Variants in VWC2 observed in about 807,000 individuals in gnomAD.
VWC2 encodes von Willebrand factor C domain containing 2, also known as brorin.
Under a neutral mutation model 29.8 loss-of-function variants are expected in VWC2, and 14 were observed. That is an observed-to-expected ratio of 0.47 (90% CI 0.31 to 0.74). The LOEUF (loss-of-function observed/expected upper bound fraction) is 0.74. VWC2 is among the 30% of genes least tolerant of loss of function. The pLI is 0.05. For missense variants in VWC2, 457 were observed against 459.8 expected, an observed-to-expected ratio of 0.99 and a Z score of 0.05; for synonymous variants, 213 against 199.0, an observed-to-expected ratio of 1.07 and a Z score of -0.59.
At chr7:49,816,939 G>C (rs533558983) in intron 3 of VWC2, among the ~76,000 whole-genome samples, 5 of 152,270 alleles carry the variant, frequency 3.3e-5, no homozygotes, top group African/African-American at 1.2e-4. Flanking sequence ...GCCCACTGTT[G>C]AATCCAGACA....
chr7:49,898,785 C>T (rs1792538038), intron 3 of VWC2, among the ~76,000 whole-genome samples: 1 of 151,936 alleles, frequency 6.6e-6, no homozygotes, highest in African/African-American at 2.4e-5. Flanking sequence ...TGAAAGCTGA[C>T]TTATGTTAGC....
At chr7:49,779,114 T>A (rs1452537552) in intron 2 of VWC2, among the ~76,000 whole-genome samples, 1 of 152,190 alleles carries the variant, frequency 6.6e-6, no homozygotes, top group East Asian at 1.9e-4. Context: ...CTTGACCCTC[T>A]TTGAGCAGTA....
intron 3 of VWC2, among the ~76,000 whole-genome samples, chr7:49,881,029 T>G (rs1012347289): frequency 6.6e-6 from 1 of 152,190 alleles, no homozygotes; most frequent in Non-Finnish European, 1.5e-5. Context: ...GTTTCATCCT[T>G]TCTTGGGTCC....
intron 3 of VWC2, among the ~76,000 whole-genome samples, chr7:49,897,504 T>C (rs1792449049): frequency 6.6e-6 from 1 of 152,320 alleles, no homozygotes; most frequent in South Asian, 2.1e-4. Flanking sequence ...CACTGATCAA[T>C]AGAGTTTCCA....
At chr7:49,900,636 A>G (rs992122866) in intron 3 of VWC2, among the ~76,000 whole-genome samples, 1 of 151,840 alleles carries the variant, frequency 6.6e-6, no homozygotes, top group African/African-American at 2.4e-5. Context: ...ATAGGTCTAT[A>G]TATATAAAAG....
intron 3 of VWC2, among the ~76,000 whole-genome samples, chr7:49,889,592 T>C (rs768853491): frequency 2.6e-5 from 4 of 152,198 alleles, no homozygotes; most frequent in Non-Finnish European, 5.9e-5. Context: ...TACAGGGTGA[T>C]GACCTAGTCA....
chr7:49,870,382 G>A (rs866442740), intron 3 of VWC2, among the ~76,000 whole-genome samples: 42 of 152,272 alleles, frequency 2.8e-4, no homozygotes, highest in African/African-American at 9.9e-4. Flanking sequence ...CCTGGGTGAC[G>A]CAGTGAGACT....
At chr7:49,852,098 G>A (rs1471467566) in intron 3 of VWC2, among the ~76,000 whole-genome samples, 1 of 152,226 alleles carries the variant, frequency 6.6e-6, no homozygotes, top group Non-Finnish European at 1.5e-5. Context: ...GAGGCCAGCA[G>A]GCACCAGTAC....
At chr7:49,890,973 A>T (rs1036194906) in intron 3 of VWC2, among the ~76,000 whole-genome samples, 26 of 152,206 alleles carry the variant, frequency 1.7e-4, no homozygotes, top group Admixed American at 2.6e-4. Context: ...GGAACAAAAA[A>T]AGATGGGCTA....
chr7:49,850,109 A>T (rs1279819901), intron 3 of VWC2, among the ~76,000 whole-genome samples: 1 of 152,194 alleles, frequency 6.6e-6, no homozygotes, highest in African/African-American at 2.4e-5. Context: ...CAAGCCTAGC[A>T]CATAGCATGG....
chr7:49,921,092 C>T lies in VWC2; in HGVS notation c.*8907C>T, dbSNP rs1221831996. 1 of 152,186 alleles carries T rather than the reference C, an allele frequency of 6.6e-6. No homozygotes were observed. The highest frequency in any genetic ancestry group is 6.5e-5 in the Admixed American group (1 of 15,274). The allele number at this position is 152,186 out of a possible 1,614,324, so 9.4% of individuals were successfully genotyped here. A position where few individuals can be genotyped will look rare whatever the true frequency, so the allele number is the denominator to read the frequency against. On this transcript the variant is annotated 3_prime_UTR_variant, in exon 4 of 4. Transcript: ENST00000340652. ...CCACTAATAAATCATCAGTCACCAC[C>T]TTTCCTGCATATCTGACAGATGGAG...
At chr7:49,816,192 C>G (rs1789138896) in intron 3 of VWC2, among the ~76,000 whole-genome samples, 1 of 152,060 alleles carries the variant, frequency 6.6e-6, no homozygotes, top group Non-Finnish European at 1.5e-5. Flanking sequence ...TTAGGAAGGA[C>G]CTTGATACTT....
rs188986964 is a variant in VWC2 at position 49,890,697 on chromosome 7, T to G, written c.827-21337T>G. On this transcript the variant is annotated intron_variant, in intron 3 of 3. Coordinates refer to ENST00000340652, the MANE Select transcript of VWC2 (RefSeq NM_198570.5). ...CACTACTGAGAACAAATCTAAGGGA[T>G]AGAATGCACACACATTAAAACACAA... Among the ~76,000 whole-genome samples, 10 of 145,706 alleles carry G rather than the reference T, an allele frequency of 6.9e-5. No individual in the cohort carries two copies. The East Asian group carries it at 2.0e-3, about 29-fold the overall frequency.
rs752773106 is a variant in VWC2, at chr7:49,802,716, T to G, written c.702T>G (p.Ser234=). ...TYQTLEEFVV[S]PCERCRCEAN... is the part of the protein sequence containing the mutation. ...ATTGTGGGCTTGTGTTTCAGGTGTC[T>G]CCATGCGAGAGGTGTCGCTGTGAAG... The change falls in exon 3 of 4, where the codon TCT becomes TCG. Residue 234 remains serine, a synonymous_variant. Transcript: ENST00000340652. 1 of 1,614,224 alleles carries G rather than the reference T, an allele frequency of 6.2e-7. No individual in the cohort carries two copies. Among genetic ancestry groups the G allele is most frequent in the African/African-American group, 1.3e-5 (1 of 75,068 alleles).
In VWC2 at chr7:49,788,445, C is replaced by CTGTGTGTG. The variant is rs35708736; in HGVS notation, c.696+12331_696+12338dup. ...CACTGTAGTTCTGTTTTCCCCTGGCCTGTGTGTGTGTGTGTGTGTGTGTGA... is the reference window on the plus strand; with the variant it reads ...CACTGTAGTTCTGTTTTCCCCTGGCCTGTGTGTGTGTGTGTGTGTGTGTGTGTGTGTGA... On this transcript the variant is annotated intron_variant, in intron 2 of 3. Coordinates refer to ENST00000340652, the MANE Select transcript of VWC2 (RefSeq NM_198570.5). 7.0e-4 allele frequency among the ~76,000 whole-genome samples: 104 copies of CTGTGTGTG among 148,178 alleles called. 1 individual carries two copies. The highest frequency in any genetic ancestry group is 2.4e-3 in the African/African-American group (97 of 40,730).
chr7:49,792,705 T>G (rs1279024184), intron 2 of VWC2, among the ~76,000 whole-genome samples: 1 of 152,250 alleles, frequency 6.6e-6, no homozygotes, highest in African/African-American at 2.4e-5. Flanking sequence ...TCTCCCCATC[T>G]GCGCTGTGTC....
chr7:49,829,693 C>G (rs1291622268), intron 3 of VWC2, among the ~76,000 whole-genome samples: 1 of 152,232 alleles, frequency 6.6e-6, no homozygotes, highest in Non-Finnish European at 1.5e-5. Context: ...TTCTTCCTCT[C>G]CCTTCACATT....
chr7:49,882,538 G>C (rs1791713974), intron 3 of VWC2, among the ~76,000 whole-genome samples: 1 of 151,998 alleles, frequency 6.6e-6, no homozygotes, highest in Non-Finnish European at 1.5e-5. Context: ...GGGACACACA[G>C]AGAGAGAGAC....
At chr7:49,837,523 G>T (rs184831144) in intron 3 of VWC2, among the ~76,000 whole-genome samples, 1 of 152,188 alleles carries the variant, frequency 6.6e-6, no homozygotes, top group Non-Finnish European at 1.5e-5. Context: ...CCTGAAGGCC[G>T]GGGGAGGTCA....
Sources: gnomAD v4.1 joint callset for allele counts (sites outside exome capture counted in the v4.1 genomes callset) on GRCh38, gnomAD v4.1.1 for gene constraint, MANE v1.5 for transcripts, NCBI Gene and HGNC (gene_info 2026-07-23, HGNC 2026-07-21) for gene names.